The following NWD2 variants were observed in gnomAD, a reference collection of about 807,000 sequenced individuals.
NWD2 encodes the protein NACHT and WD repeat domain-containing protein 2.
NWD2 carries 37 observed loss-of-function variants against 132.7 expected under a neutral mutation model. The observed-to-expected ratio is 0.28, with a 90% CI of 0.21 to 0.37. NWD2 has a LOEUF of 0.37. NWD2 is among the 10% of genes least tolerant of loss of function. NWD2 has a pLI of 1.00. For missense variants in NWD2, 1,592 were observed against 2,122.4 expected (o/e 0.75, Z 4.91); for synonymous variants, 705 against 803.0 (o/e 0.88, Z 2.06).
intron 5 of NWD2, among the ~76,000 whole-genome samples, chr4:37,437,897 T>C (rs984745694): frequency 4.6e-5 from 7 of 152,196 alleles, no homozygotes; most frequent in African/African-American, 1.7e-4. Flanking sequence ...CTTGTTCTGA[T>C]GGATATTATA....
At chr4:37,420,820 A>G (rs1160543153) in intron 3 of NWD2, among the ~76,000 whole-genome samples, 1 of 152,162 alleles carries the variant, frequency 6.6e-6, no homozygotes, top group Non-Finnish European at 1.5e-5. Flanking sequence ...TCAAACTAGG[A>G]CAGTCCTGAG....
Position 37,443,426 on chromosome 4 carries a change from T to C in NWD2, c.1438T>C (p.Cys480Arg), listed in dbSNP as rs1435690288. Residue 480 changes from cysteine (C) to arginine (R), a missense_variant, in exon 7 of 7, where the codon TGT (cysteine) becomes CGT (arginine). By Grantham distance (180) the Cys-to-Arg change is radical. This residue lies in a region of NWD2 where 1,071 missense variants were observed against 1,398.0 expected (regional missense o/e 0.77). Transcript: ENST00000309447. This position sits in a 1 kb window ranked among gnomAD's most constrained non-coding sequence, Gnocchi z 4.1. ...TGAACAATTGGCAGTTAACTACCGG[T>C]GTCTGGTTCAAAGCTACCCTAAGAA... ...VCEQLAVNYR[C>R]LVQSYPKKIH... 2 of 1,552,120 alleles carry C rather than the reference T, an allele frequency of 1.3e-6. No homozygotes were observed. The highest frequency in any genetic ancestry group is 2.0e-5 in the Admixed American group (1 of 50,990).
intron 3 of NWD2, among the ~76,000 whole-genome samples, chr4:37,429,267 G>A (rs537423306): frequency 2.9e-4 from 44 of 151,940 alleles, no homozygotes; most frequent in Non-Finnish European, 5.1e-4. Flanking sequence ...ACATATGTAC[G>A]TAATATTCTC....
chr4:37,293,205 A>G (rs373176838), intron 1 of NWD2, among the ~76,000 whole-genome samples: 1 of 151,920 alleles, frequency 6.6e-6, no homozygotes, highest in East Asian at 1.9e-4. Flanking sequence ...ATCAATCTCA[A>G]CCTCTTCAAC....
Position 37,446,501 on chromosome 4 carries a change from A to T in NWD2, c.4513A>T (p.Ile1505Phe). Residue 1505 changes from isoleucine to phenylalanine, a missense_variant, in exon 7 of 7, where the codon ATC becomes TTC. This residue lies in a region of NWD2 where 257 missense variants were observed against 335.0 expected (regional missense o/e 0.77). Coordinates refer to ENST00000309447, the MANE Select transcript of NWD2 (RefSeq NM_001144990.2). The surrounding 1 kb of genome is among the most constrained non-coding windows in gnomAD (Gnocchi z 6.7). Reference sequence around the variant, plus strand: ...TATCACATCGGCCGAGACTGTGAACATCTGGAGTCTGACAGATGAAGTGAT... The same window carrying T: ...TATCACATCGGCCGAGACTGTGAACTTCTGGAGTCTGACAGATGAAGTGAT... Reference protein sequence around the residue: ...VFITSAETVNIWSLTDEVICR... With the variant: ...VFITSAETVNFWSLTDEVICR... 1 of 1,551,746 alleles carries T rather than the reference A, an allele frequency of 6.4e-7. No homozygotes were observed. The highest frequency in any genetic ancestry group is 8.7e-7 in the Non-Finnish European group (1 of 1,147,008).
intron 5 of NWD2, among the ~76,000 whole-genome samples, chr4:37,435,487 G>C (rs930281837): frequency 6.6e-6 from 1 of 152,166 alleles, no homozygotes; most frequent in East Asian, 1.9e-4. Flanking sequence ...GTATATCCTT[G>C]TTCCTTTGGA....
intron 1 of NWD2, among the ~76,000 whole-genome samples, chr4:37,278,368 A>C (rs1022896328): frequency 1.3e-5 from 2 of 152,150 alleles, no homozygotes; most frequent in Non-Finnish European, 2.9e-5. Flanking sequence ...ATGTCCACGA[A>C]ACATGTCACT....
At chr4:37,294,891 G>T (rs1360965422) in intron 1 of NWD2, among the ~76,000 whole-genome samples, 2 of 152,198 alleles carry the variant, frequency 1.3e-5, no homozygotes, top group African/African-American at 2.4e-5. Flanking sequence ...ACAGTTTGTG[G>T]TCTGCACCCT....
chr4:37,394,812 T>TGTTTTGTTTTTG (rs1560411793), intron 3 of NWD2, among the ~76,000 whole-genome samples: 1 of 119,824 alleles, frequency 8.3e-6, no homozygotes, highest in Non-Finnish European at 1.7e-5. Context: ...TTTTTTTTTT[T>TGTTTTGTTTTTG]TTTTTTTTTT....
intron 3 of NWD2, among the ~76,000 whole-genome samples, chr4:37,365,335 G>T (rs904149036): frequency 1.3e-5 from 2 of 152,226 alleles, no homozygotes; most frequent in South Asian, 4.2e-4. Flanking sequence ...TTAAAGTGCA[G>T]GGGGGTTTGT....
At chr4:37,272,222 CT>C (rs1284306372) in intron 1 of NWD2, among the ~76,000 whole-genome samples, 5 of 151,618 alleles carry the variant, frequency 3.3e-5, no homozygotes, top group Admixed American at 1.3e-4. Context: ...TTTTAAGGAT[CT>C]TTTTGTTTGT....
chr4:37,305,081 T>C (rs1718682755), intron 1 of NWD2, among the ~76,000 whole-genome samples: 1 of 152,228 alleles, frequency 6.6e-6, no homozygotes, highest in Non-Finnish European at 1.5e-5. Context: ...ACTCGCAGGC[T>C]CAACGCTACG....
chr4:37,346,285 A>G (rs897403092), intron 2 of NWD2, among the ~76,000 whole-genome samples: 1 of 152,092 alleles, frequency 6.6e-6, no homozygotes, highest in Non-Finnish European at 1.5e-5. Context: ...TGTGACATTG[A>G]ATTGTTTTAG....
chr4:37,351,159 T>C (rs574581135), intron 2 of NWD2, among the ~76,000 whole-genome samples: 195 of 152,324 alleles, frequency 1.3e-3, no homozygotes, highest in Non-Finnish European at 2.5e-3. Context: ...GTTGTGTCTC[T>C]GCCAGGTTTT....
chr4:37,328,194 C>G (rs1401568826), intron 2 of NWD2, among the ~76,000 whole-genome samples: 1 of 152,046 alleles, frequency 6.6e-6, no homozygotes, highest in Non-Finnish European at 1.5e-5. Context: ...CAGCTGCTTT[C>G]TTATTGTCCC....
Position 37,444,799 on chromosome 4 carries a change from A to C in NWD2, c.2811A>C (p.Lys937Asn). The C allele has an allele frequency of 3.2e-6, 5 of 1,552,020 alleles. No homozygotes were observed. Among genetic ancestry groups the C allele is most frequent in the Non-Finnish European group, 4.4e-6 (5 of 1,147,082 alleles). Residue 937 changes from lysine (K) to asparagine (N), a missense_variant, in exon 7 of 7, where the codon AAA (lysine) becomes AAC (asparagine). Physicochemically the swap from Lys to Asn is moderately conservative, Grantham distance 94. Coordinates refer to ENST00000309447, the MANE Select transcript of NWD2 (RefSeq NM_001144990.2). The surrounding 1 kb of genome is among the most constrained non-coding windows in gnomAD (Gnocchi z 4.8). ...GACATCTTCTTTTAGAGTGTGATAAAGATGGGCCCAAATATTGCTCCATTG... is the reference window on the plus strand; with the variant it reads ...GACATCTTCTTTTAGAGTGTGATAACGATGGGCCCAAATATTGCTCCATTG... ...KLRHLLLECD[K>N]DGPKYCSIVP...
At position 37,438,905 on chromosome 4, in the gene NWD2, A is replaced by C. The variant is rs1712400990; in HGVS notation, c.811A>C (p.Lys271Gln). The change falls in exon 6 of 7, where the codon AAA (lysine) becomes CAA (glutamine). Residue 271 changes from lysine to glutamine, a missense_variant. By Grantham distance (53) the Lys-to-Gln change is moderately conservative. Around this residue, in one of 7 missense-constraint regions of NWD2, gnomAD observed 1,071 missense variants for 1,398.0 expected, o/e 0.77. Transcript: ENST00000309447. ...RKIANIERFV[K>Q]IPEMGKYMDI... ...AATTGCTAACATTGAGCGCTTTGTG[A>C]AAATCCCAGAGATGGGAAAATACAT... 1.3e-6 allele frequency: 2 copies of C among 1,551,932 alleles called. No individual in the cohort carries two copies. Among genetic ancestry groups the C allele is most frequent in the South Asian group, 2.4e-5 (2 of 84,062 alleles).
Position 37,443,578 on chromosome 4 carries a change from G to C in NWD2, c.1590G>C (p.Trp530Cys). ...SENDDARKLWWLPAHLPRFVR... is the reference protein window; with the variant it reads ...SENDDARKLWCLPAHLPRFVR... ...ATGATGATGCCAGGAAGCTTTGGTG[G>C]CTCCCAGCTCACCTGCCCCGCTTTG... The change falls in exon 7 of 7, where the codon TGG becomes TGC. Residue 530 changes from tryptophan (W) to cysteine (C), a missense_variant. Around this residue, in one of 7 missense-constraint regions of NWD2, gnomAD observed 1,071 missense variants for 1,398.0 expected, o/e 0.77. Transcript: ENST00000309447. This position sits in a 1 kb window ranked among gnomAD's most constrained non-coding sequence, Gnocchi z 4.1. 1 of 1,551,694 alleles carries C rather than the reference G, an allele frequency of 6.4e-7. No individual in the cohort carries two copies. Among genetic ancestry groups the C allele is most frequent in the Non-Finnish European group, 8.7e-7 (1 of 1,146,988 alleles).
chr4:37,297,136 C>A (rs891670292), intron 1 of NWD2, among the ~76,000 whole-genome samples: 4 of 152,004 alleles, frequency 2.6e-5, no homozygotes, highest in African/African-American at 9.7e-5. Context: ...TACAGTTGTC[C>A]CTCTGTATCC....
Sources: gnomAD v4.1 joint callset for allele counts (sites outside exome capture counted in the v4.1 genomes callset) on GRCh38, gnomAD v4.1.1 for gene constraint, gnomAD v4.1.1 regional missense constraint, Gnocchi (gnomAD v3.1) non-coding constraint, MANE v1.5 for transcripts, NCBI Gene and HGNC (gene_info 2026-07-23, HGNC 2026-07-21) for gene names.